CSMD1: variants seen among roughly 807,000 people sequenced by gnomAD.
CSMD1 encodes CUB and Sushi multiple domains 1.
In CSMD1, 213 loss-of-function variants were observed where a neutral mutation model predicts 417.5. That is an observed-to-expected ratio of 0.51 (90% CI 0.46 to 0.57). CSMD1 has a LOEUF of 0.57. Ranked by LOEUF, CSMD1 falls within the 20% of genes least tolerant of loss-of-function variation. The pLI, the probability that CSMD1 is intolerant of heterozygous loss-of-function variation, is 0.00. For synonymous variants in CSMD1, 2,862 were observed against 1,736.8 expected (o/e 1.65, Z -16.11); for missense variants, 6,923 against 4,529.7 (o/e 1.53, Z -15.17).
At chr8:4,370,171 G>A (rs1563102901) in intron 3 of CSMD1, among the ~76,000 whole-genome samples, 1 of 152,086 alleles carries the variant, frequency 6.6e-6, no homozygotes, top group Non-Finnish European at 1.5e-5. Context: ...TGGCTTTCCT[G>A]AAAAGAATTT....
intron 3 of CSMD1, among the ~76,000 whole-genome samples, chr8:4,285,244 G>A (rs556608545): frequency 1.3e-5 from 2 of 152,176 alleles, no homozygotes; most frequent in African/African-American, 2.4e-5. Context: ...TCATCATACA[G>A]CAGGCCGACT....
At chr8:4,332,499 C>T (rs980053428) in intron 3 of CSMD1, among the ~76,000 whole-genome samples, 2 of 149,672 alleles carry the variant, frequency 1.3e-5, no homozygotes, top group African/African-American at 2.5e-5. Context: ...AGGAGCTCTT[C>T]TTCTGGTTTT....
At chr8:4,236,411 G>T (rs1164072968) in intron 3 of CSMD1, among the ~76,000 whole-genome samples, 4 of 152,122 alleles carry the variant, frequency 2.6e-5, no homozygotes, top group Non-Finnish European at 5.9e-5. Context: ...ACTCTAGCCA[G>T]TCAAGAATTT....
At chr8:2,954,327 G>C (rs2128921401) in intron 64 of CSMD1, 59 bp from the exon 65 acceptor site, 1 of 1,066,530 alleles carries the variant, frequency 9.4e-7, no homozygotes, top group Middle Eastern at 2.3e-4. Context: ...GAGTAAGTTT[G>C]AAAAAATGTC....
chr8:3,587,257 G>C (rs1164557867), intron 8 of CSMD1, among the ~76,000 whole-genome samples: 3 of 152,212 alleles, frequency 2.0e-5, no homozygotes, highest in Admixed American at 2.0e-4. Context: ...AAGTGTGAGA[G>C]GCAGAGATCA....
intron 23 of CSMD1, among the ~76,000 whole-genome samples, chr8:3,328,986 G>A (rs1475711319): frequency 6.6e-6 from 1 of 152,116 alleles, no homozygotes; most frequent in African/African-American, 2.4e-5. Flanking sequence ...TGTACCAAAG[G>A]GAAGTGAAGA....
At chr8:4,510,018 G>T (rs577159772) in intron 2 of CSMD1, among the ~76,000 whole-genome samples, 4 of 152,100 alleles carry the variant, frequency 2.6e-5, no homozygotes, top group Non-Finnish European at 5.9e-5. Flanking sequence ...CACATGTTGT[G>T]GGAGGGACCC....
intron 3 of CSMD1, among the ~76,000 whole-genome samples, chr8:4,369,322 A>AT (rs1001053760): frequency 5.9e-5 from 9 of 151,730 alleles, no homozygotes; most frequent in East Asian, 3.9e-4. Context: ...TATGAATTGA[A>AT]TTTTTTTTTA....
intron 41 of CSMD1, chr8:3,127,605 A>G (rs1817575945): frequency 6.6e-6 from 1 of 152,218 alleles, no homozygotes. Flanking sequence ...GTGATGAAGA[A>G]TAAACAGATT....
At chr8:3,550,993 C>T (rs943441933) in intron 10 of CSMD1, among the ~76,000 whole-genome samples, 8 of 152,162 alleles carry the variant, frequency 5.3e-5, no homozygotes, top group African/African-American at 1.7e-4. Flanking sequence ...AGACCCCTTT[C>T]TCAAAACTCT....
At chr8:4,314,481 G>C (rs1386706060) in intron 3 of CSMD1, among the ~76,000 whole-genome samples, 1 of 152,102 alleles carries the variant, frequency 6.6e-6, no homozygotes, top group East Asian at 1.9e-4. Flanking sequence ...TCCGTTCCTT[G>C]AATACCTTTC....
At chr8:4,804,208 C>G (rs1258051953) in intron 1 of CSMD1, among the ~76,000 whole-genome samples, 1 of 151,992 alleles carries the variant, frequency 6.6e-6, no homozygotes, top group South Asian at 2.1e-4. Flanking sequence ...AAATTTAAAC[C>G]ATATTTAACT....
intron 10 of CSMD1, among the ~76,000 whole-genome samples, chr8:3,537,285 G>A (rs1014186427): frequency 7.2e-5 from 11 of 152,222 alleles, no homozygotes; most frequent in African/African-American, 2.4e-4. Flanking sequence ...TTACAGGCAT[G>A]AGCCATCATG....
intron 2 of CSMD1, among the ~76,000 whole-genome samples, chr8:4,604,901 G>C (rs930346432): frequency 6.6e-6 from 1 of 152,104 alleles, no homozygotes; most frequent in Admixed American, 6.5e-5. Flanking sequence ...CGGTGTTCGG[G>C]GTTCAGAATC....
chr8:4,841,023 G>T (rs1057064189), intron 1 of CSMD1, among the ~76,000 whole-genome samples: 1 of 152,142 alleles, frequency 6.6e-6, no homozygotes, highest in Non-Finnish European at 1.5e-5. Context: ...CAGCCCCCTG[G>T]CTCCACCCTG....
intron 55 of CSMD1, among the ~76,000 whole-genome samples, chr8:2,976,264 A>T (rs1804916496): frequency 6.6e-6 from 1 of 152,074 alleles, no homozygotes; most frequent in South Asian, 2.1e-4. Flanking sequence ...CTCAAAATAC[A>T]CTTCACAGTG....
At position 3,584,402 on chromosome 8, in the gene CSMD1, G is replaced by T. The variant is rs73660314; in HGVS notation, c.1222+1734C>A. On this transcript the variant is annotated intron_variant, in intron 9 of 69. Coordinates refer to ENST00000635120, the MANE Select transcript of CSMD1 (RefSeq NM_033225.6). ...GATCAAGTGGGACACTTGAATTGACGAGAACAGGAAACCACAAAGAATCCT... is the reference window on the plus strand; with the variant it reads ...GATCAAGTGGGACACTTGAATTGACTAGAACAGGAAACCACAAAGAATCCT... 1.3e-3 allele frequency among the ~76,000 whole-genome samples: 205 copies of T among 152,302 alleles called. 1 individual carries two copies. Among genetic ancestry groups the T allele is most frequent in the African/African-American group, 4.8e-3 (198 of 41,574 alleles).
chr8:4,985,765 A>G (rs958586479), intron 1 of CSMD1, among the ~76,000 whole-genome samples: 1 of 152,228 alleles, frequency 6.6e-6, no homozygotes, highest in African/African-American at 2.4e-5. Flanking sequence ...ATGGATGTTG[A>G]ACAAGTGAAC....
At chr8:4,422,816 C>G (rs192415051) in intron 2 of CSMD1, among the ~76,000 whole-genome samples, 1 of 151,890 alleles carries the variant, frequency 6.6e-6, no homozygotes, top group Non-Finnish European at 1.5e-5. Context: ...AGGCAAGATA[C>G]GAATTATACA....
Sources: allele counts gnomAD v4.1 joint callset (sites outside exome capture counted in the v4.1 genomes callset), GRCh38; gene constraint gnomAD v4.1.1; transcripts MANE v1.5; gene names NCBI Gene and HGNC (gene_info 2026-07-23, HGNC 2026-07-21).